IRAK2: variants seen among roughly 807,000 people sequenced by gnomAD.
The protein encoded by IRAK2 is interleukin 1 receptor associated kinase 2.
In IRAK2, 57 loss-of-function variants were observed where a neutral mutation model predicts 72.0. The ratio of observed to expected loss-of-function variants is 0.79; its 90% confidence interval spans 0.64 to 0.99. The LOEUF (loss-of-function observed/expected upper bound fraction) is 0.99, where lower values mean the gene tolerates loss of function less well. Ranked by LOEUF, IRAK2 falls within the 50% of genes least tolerant of loss-of-function variation. The pLI is 0.00. For synonymous variants in IRAK2, 293 were observed against 312.7 expected, an observed-to-expected ratio of 0.94 and a Z score of 0.67; for missense variants, 790 against 794.4, an observed-to-expected ratio of 0.99 and a Z score of 0.07.
chr3:10,214,559 T>C (rs917086372), intron 6 of IRAK2, among the ~76,000 whole-genome samples: 1 of 151,350 alleles, frequency 6.6e-6, no homozygotes, highest in African/African-American at 2.4e-5. Context: ...TTTTTAATTA[T>C]TTTTCATCTG....
chr3:10,238,945 C>A lies in IRAK2; in HGVS notation c.1671C>A (p.Pro557=). ...CAGGGGCTGCCACCCCACTTCTCCC[C>A]ACAGAGAATGGGGAAGGAAGGCTGC... ...PWAGAATPLL[P]TENGEGRLRV... Residue 557 remains proline, a synonymous_variant, in exon 12 of 13, where the codon CCC becomes CCA. Transcript: ENST00000256458. 1.2e-6 allele frequency: 2 copies of A among 1,614,098 alleles called. No homozygotes were observed. The highest frequency in any genetic ancestry group is 1.7e-6 in the Non-Finnish European group (2 of 1,179,974).
rs773585269 is a variant in IRAK2, at chr3:10,219,836, G to A, written c.1013+47G>A. The A allele has an allele frequency of 6.7e-6, 9 of 1,336,306 alleles. No homozygotes were observed. In the African/African-American group the frequency reaches 1.2e-4, roughly 17 times the overall value. The allele number at this position is 1,336,306 out of a possible 1,614,324, so 82.8% of individuals were successfully genotyped here. On this transcript the variant is annotated intron_variant, in intron 8 of 12. Transcript: ENST00000256458. The stretch of plus-strand genomic sequence containing the variant: ...CTGCTGGGGCCTGGGCTGCAAGGGT[G>A]GAACTGGTGCCTATTCCTGGCTCAC...
Position 10,232,035 on chromosome 3 carries a change from G to T in IRAK2, c.1273-2424G>T, listed in dbSNP as rs573173349. On this transcript the variant is annotated intron_variant, in intron 10 of 12. Transcript: ENST00000256458. ...CCAGCTACTCGGGAGGCTGAGGCAG[G>T]AGAATGGCATGAACCCAGGAGGCGG... Among the ~76,000 whole-genome samples the T allele has an allele frequency of 8.5e-5, 13 of 152,316 alleles. 1 individual carries two copies. The South Asian group carries it at 2.7e-3, about 32-fold the overall frequency.
At chr3:10,195,174 G>A (rs780739115) in intron 2 of IRAK2, among the ~76,000 whole-genome samples, 7 of 152,314 alleles carry the variant, frequency 4.6e-5, no homozygotes, top group Non-Finnish European at 8.8e-5. Context: ...CACAGAGGTC[G>A]GCCACAAATG....
In IRAK2 at chr3:10,178,015, T is replaced by G. The variant is rs1422285585; in HGVS notation, c.272T>G (p.Leu91Arg). 1 of 1,604,858 alleles carries G rather than the reference T, an allele frequency of 6.2e-7. No individual in the cohort carries two copies. Among genetic ancestry groups the G allele is most frequent in the East Asian group, 2.2e-5 (1 of 44,726 alleles). The change falls in exon 2 of 13, where the codon CTG becomes CGG. Residue 91 changes from leucine to arginine, a missense_variant. Transcript: ENST00000256458. ...CTCTACCGGGCTGCCCAGATCATCC[T>G]GAACTGTGAGTAACTCAGGGCCCTC... ...LELYRAAQII[L>R]NWKPAPEIRC... is the part of the protein sequence containing the mutation.
chr3:10,191,429 G>A (rs1201826380), intron 2 of IRAK2, among the ~76,000 whole-genome samples: 3 of 152,240 alleles, frequency 2.0e-5, no homozygotes, highest in African/African-American at 4.8e-5. Context: ...GTTCCAGGGC[G>A]CTTACAGTAA....
At chr3:10,224,735 T>TTTATCCACCTACCCACACATCCAC (rs1697747022) in intron 9 of IRAK2, among the ~76,000 whole-genome samples, 1 of 17,328 alleles carries the variant, frequency 5.8e-5, no homozygotes, top group Non-Finnish European at 1.0e-4. Context: ...TACCCATCCA[T>TTTATCCACCTACCCACACATCCAC]CCATCCATCC....
At chr3:10,205,768 C>A (rs1457397693) in intron 3 of IRAK2, among the ~76,000 whole-genome samples, 1 of 152,220 alleles carries the variant, frequency 6.6e-6, no homozygotes, top group Non-Finnish European at 1.5e-5. Context: ...AGGCTGAATA[C>A]ATAACACTGG....
chr3:10,196,490 C>A (rs1355735283), intron 2 of IRAK2, among the ~76,000 whole-genome samples: 1 of 152,216 alleles, frequency 6.6e-6, no homozygotes, highest in Non-Finnish European at 1.5e-5. Flanking sequence ...TCCTGTGATT[C>A]CTGCAGGCAA....
chr3:10,211,778 T>TA (rs1353086407), intron 4 of IRAK2, among the ~76,000 whole-genome samples: 2 of 151,944 alleles, frequency 1.3e-5, no homozygotes. Flanking sequence ...ATATGTAACT[T>TA]AAAAAAATTG....
At chr3:10,194,586 G>T (rs1697235362) in intron 2 of IRAK2, among the ~76,000 whole-genome samples, 1 of 152,110 alleles carries the variant, frequency 6.6e-6, no homozygotes, top group South Asian at 2.1e-4. Context: ...TAGCTCTCTG[G>T]TGTGCCAGCC....
chr3:10,224,002 G>A (rs1370300113), intron 9 of IRAK2, among the ~76,000 whole-genome samples: 1 of 152,184 alleles, frequency 6.6e-6, no homozygotes, highest in Non-Finnish European at 1.5e-5. Context: ...GTTGTTCAGT[G>A]AAGCTCAGCA....
In IRAK2 at chr3:10,234,442, T is replaced by G; in HGVS notation, c.1273-17T>G. 6.2e-7 allele frequency: 1 copy of G among 1,609,604 alleles called. No homozygotes were observed. Among genetic ancestry groups the G allele is most frequent in the Non-Finnish European group, 8.5e-7 (1 of 1,175,920 alleles). ...TCTGCAGCTCACGCAAGGGCGTTTC[T>G]ACCCTTCTTCCCACAGAAGGACTTA... On this transcript the variant is annotated splice_polypyrimidine_tract_variant and intron_variant, in intron 10 of 12. Coordinates refer to ENST00000256458, the MANE Select transcript of IRAK2 (RefSeq NM_001570.4).
At chr3:10,219,598 G>A in intron 7 of IRAK2, 82 bp from the exon 8 acceptor site, 1 of 976,996 alleles carries the variant, frequency 1.0e-6, no homozygotes, top group Non-Finnish European at 1.6e-6. Context: ...GATTACAGGT[G>A]TGAGCCACCG....
chr3:10,218,731 G>T (rs1697643394), intron 7 of IRAK2, among the ~76,000 whole-genome samples: 1 of 152,192 alleles, frequency 6.6e-6, no homozygotes, highest in African/African-American at 2.4e-5. Context: ...TATGCTAGGG[G>T]TATACCATAT....
intron 2 of IRAK2, among the ~76,000 whole-genome samples, chr3:10,184,951 G>A (rs191354630): frequency 0.022 from 3,270 of 149,770 alleles, 59 homozygotes; most frequent in Non-Finnish European, 0.031. Flanking sequence ...GTTAGCCAGG[G>A]TGATCTCCTG....
chr3:10,213,355 G>GA lies in IRAK2; in HGVS notation c.678dup (p.Gly227ArgfsTer37). On this transcript the variant is annotated frameshift_variant, in exon 5 of 13. Transcript: ENST00000256458. LOFTEE classifies it high-confidence loss of function. ...CAGGGGACCTTTGCTGACGTCTACA[G>GA]AGGGCACAGGCACGGGAAGCCATTC... 3 of 1,614,146 alleles carry GA rather than the reference G, an allele frequency of 1.9e-6. No homozygotes were observed. The highest frequency in any genetic ancestry group is 2.5e-6 in the Non-Finnish European group (3 of 1,180,028).
At chr3:10,169,174 C>T (rs1189847084) in intron 1 of IRAK2, among the ~76,000 whole-genome samples, 1 of 152,082 alleles carries the variant, frequency 6.6e-6, no homozygotes, top group Non-Finnish European at 1.5e-5. Flanking sequence ...TCACATTCTT[C>T]AAAGGGCAAT....
chr3:10,203,408 G>A lies in IRAK2; in HGVS notation c.424+2893G>A, dbSNP rs758522122. ...TTGATTGTCTATCTTTGCCTAAATT[G>A]AAAATAAGAAATCATTCATTTCATC... On this transcript the variant is annotated intron_variant, in intron 3 of 12. Transcript: ENST00000256458. Among the ~76,000 whole-genome samples the A allele has an allele frequency of 3.0e-4, 45 of 152,308 alleles. No individual in the cohort carries two copies. In the Middle Eastern group the frequency reaches 0.01, roughly 35 times the overall value.
Sources: gnomAD v4.1 joint callset for allele counts (sites outside exome capture counted in the v4.1 genomes callset) on GRCh38, gnomAD v4.1.1 for gene constraint, MANE v1.5 for transcripts, NCBI Gene and HGNC (gene_info 2026-07-23, HGNC 2026-07-21) for gene names.